SEM1: variants seen among roughly 807,000 people sequenced by gnomAD.
The protein encoded by SEM1 is SEM1 26S proteasome subunit.
SEM1 carries 3 observed loss-of-function variants against 12.7 expected under a neutral mutation model. The observed-to-expected ratio is 0.24, with a 90% confidence interval of 0.11 to 0.61. The LOEUF (loss-of-function observed/expected upper bound fraction) is 0.61. Ranked by LOEUF, SEM1 falls within the 20% of genes least tolerant of loss-of-function variation. SEM1 has a pLI of 0.88. For missense variants in SEM1, 59 were observed against 81.3 expected, an observed-to-expected ratio of 0.73 and a Z score of 1.06; for synonymous variants, 30 against 27.8, an observed-to-expected ratio of 1.08 and a Z score of -0.25.
intron 2 of SEM1, among the ~76,000 whole-genome samples, chr7:96,575,609 G>T (rs910967980): frequency 6.6e-6 from 1 of 152,234 alleles, no homozygotes; most frequent in East Asian, 1.9e-4. Context: ...GGAGATGGGA[G>T]TTTTATCTAT....
chr7:96,582,819 T>TC (rs1393625999), intron 2 of SEM1, among the ~76,000 whole-genome samples: 1 of 152,198 alleles, frequency 6.6e-6, no homozygotes, highest in Non-Finnish European at 1.5e-5. Flanking sequence ...GGTGGTGATA[T>TC]CCCCTTTATC....
chr7:96,671,923 A>G (rs1361965083), downstream of SEM1, among the ~76,000 whole-genome samples: 1 of 152,238 alleles, frequency 6.6e-6, no homozygotes, highest in Admixed American at 6.5e-5. Context: ...CATAATGCCC[A>G]TATCGGGATA....
At chr7:96,622,288 T>G, downstream of SEM1, 1 of 269,230 alleles carries the variant, frequency 3.7e-6, no homozygotes, top group Non-Finnish European at 6.9e-6. Flanking sequence ...ATAAAACTAA[T>G]GTGCTAATCA....
chr7:96,496,215 A>T, intron 1 of SEM1: 1 of 921,668 alleles, frequency 1.1e-6, no homozygotes, highest in Non-Finnish European at 1.7e-6. Context: ...CACTCAAGGT[A>T]TACTAACTCA....
At chr7:96,617,062 GT>G (rs939555586) in intron 2 of SEM1, among the ~76,000 whole-genome samples, 11 of 152,070 alleles carry the variant, frequency 7.2e-5, no homozygotes, top group Non-Finnish European at 1.3e-4. Flanking sequence ...ATTTCAGGAT[GT>G]TTTTTCTAAT....
intron 2 of SEM1, among the ~76,000 whole-genome samples, chr7:96,663,872 C>T (rs1355372865): frequency 6.6e-6 from 1 of 152,074 alleles, no homozygotes; most frequent in African/African-American, 2.4e-5. Context: ...TCACTGAAAA[C>T]AAAATATATA....
At chr7:96,516,809 T>G (rs969070062) in intron 2 of SEM1, among the ~76,000 whole-genome samples, 2 of 152,132 alleles carry the variant, frequency 1.3e-5, no homozygotes, top group Admixed American at 6.5e-5. Context: ...TTGCCCAAAT[T>G]TGGAAGGAAC....
At chr7:96,543,649 A>G (rs1805021628) in intron 2 of SEM1, among the ~76,000 whole-genome samples, 1 of 151,942 alleles carries the variant, frequency 6.6e-6, no homozygotes, top group Non-Finnish European at 1.5e-5. Context: ...CATAGCATTA[A>G]CCTAAGGAAA....
At chr7:96,603,891 T>G (rs1351094241) in intron 2 of SEM1, among the ~76,000 whole-genome samples, 1 of 152,202 alleles carries the variant, frequency 6.6e-6, no homozygotes, top group Non-Finnish European at 1.5e-5. Context: ...GATAGTTTTT[T>G]TTTTTTTAAT....
chr7:96,687,191 C>T (rs546124428), downstream of SEM1, among the ~76,000 whole-genome samples: 35 of 152,270 alleles, frequency 2.3e-4, no homozygotes, highest in Admixed American at 4.6e-4. Flanking sequence ...GTTGGTGGGA[C>T]GGTAAACTAG....
rs201461014 is a variant in SEM1 at position 96,690,211 on chromosome 7, TTC to T, written c.171-1247_171-1246del. 5.5e-3 allele frequency among the ~76,000 whole-genome samples: 840 copies of T among 152,262 alleles called. 10 individuals are homozygous for T. Among genetic ancestry groups the T allele is most frequent in the African/African-American group, 0.019 (782 of 41,560 alleles). ...TTTACAACTTTCTTAAACCTTAGTT[TTC>T]TACTCTGTAGAATATTCACTTTAAC... On this transcript the variant is annotated intron_variant, in intron 2 of 2. Coordinates refer to ENST00000248566, the MANE Select transcript of SEM1 (RefSeq NM_006304.2).
chr7:96,489,630 C>T (rs1280892174), intron 1 of SEM1, among the ~76,000 whole-genome samples: 2 of 152,196 alleles, frequency 1.3e-5, no homozygotes, highest in South Asian at 2.1e-4. Context: ...CTTAAAACAA[C>T]AGCAATCTCT....
chr7:96,539,968 A>C (rs1323650856), intron 2 of SEM1, among the ~76,000 whole-genome samples: 3 of 150,682 alleles, frequency 2.0e-5, no homozygotes, highest in Non-Finnish European at 4.4e-5. Context: ...CAACCTAATA[A>C]ATTATAATAT....
chr7:96,579,307 G>A (rs1043516514), intron 2 of SEM1, among the ~76,000 whole-genome samples: 5 of 152,176 alleles, frequency 3.3e-5, no homozygotes, highest in Non-Finnish European at 7.3e-5. Context: ...TCCTGCAAAA[G>A]CAATTTATTC....
chr7:96,590,855 G>C (rs1449349070), intron 2 of SEM1, among the ~76,000 whole-genome samples: 3 of 152,166 alleles, frequency 2.0e-5, no homozygotes, highest in African/African-American at 4.8e-5. Context: ...GGAGGAAGAA[G>C]ATTGTCAGAG....
intron 2 of SEM1, among the ~76,000 whole-genome samples, chr7:96,545,007 G>T (rs1483131486): frequency 6.6e-5 from 10 of 151,820 alleles, no homozygotes; most frequent in Non-Finnish European, 1.5e-5. Flanking sequence ...TCTTTTAAAG[G>T]CTTATTTATG....
intron 2 of SEM1, among the ~76,000 whole-genome samples, chr7:96,536,843 G>A (rs1472751359): frequency 6.6e-6 from 1 of 151,588 alleles, no homozygotes; most frequent in Non-Finnish European, 1.5e-5. Context: ...CAACATAGCT[G>A]AGTCCTATTT....
downstream of SEM1, among the ~76,000 whole-genome samples, chr7:96,672,340 G>A (rs181148382): frequency 6.8e-4 from 104 of 152,268 alleles, no homozygotes; most frequent in Admixed American, 1.4e-3. Flanking sequence ...CCATTATTAC[G>A]ATAAATGCAG....
intron 2 of SEM1, among the ~76,000 whole-genome samples, chr7:96,560,809 G>T (rs964131370): frequency 6.6e-6 from 1 of 151,686 alleles, no homozygotes; most frequent in African/African-American, 2.4e-5. Flanking sequence ...TATCAAATAT[G>T]TTGAATAATT....
Sources: allele counts gnomAD v4.1 joint callset (sites outside exome capture counted in the v4.1 genomes callset), GRCh38; gene constraint gnomAD v4.1.1; transcripts MANE v1.5; gene names NCBI Gene and HGNC (gene_info 2026-07-23, HGNC 2026-07-21).